The following STYK1 variants were observed in gnomAD, a reference collection of about 807,000 sequenced individuals.
The protein encoded by STYK1 is tyrosine-protein kinase STYK1.
STYK1 carries 46 observed loss-of-function variants against 48.1 expected under a neutral mutation model. That is an observed-to-expected ratio of 0.96 (90% CI 0.75 to 1.22). The LOEUF (loss-of-function observed/expected upper bound fraction) is 1.22, where lower values mean the gene tolerates loss of function less well. Among genes scored for constraint, STYK1 ranks in the 50% most tolerant of loss-of-function variants. STYK1 has a pLI of 0.00. For missense variants in STYK1, 527 were observed against 521.1 expected (o/e 1.01, Z -0.11); for synonymous variants, 188 against 189.0 (o/e 0.99, Z 0.04).
intron 1 of STYK1, among the ~76,000 whole-genome samples, chr12:10,666,461 G>A (rs929132200): frequency 2.0e-5 from 3 of 152,176 alleles, no homozygotes; most frequent in African/African-American, 7.2e-5. Context: ...CAGTACATCT[G>A]GTTAAATCAT....
chr12:10,624,890 G>T, intron 7 of STYK1, 31 bp from the exon 8 acceptor site: 1 of 1,599,248 alleles, frequency 6.3e-7, no homozygotes, highest in East Asian at 2.2e-5. Flanking sequence ...ATGATCAGCT[G>T]TCTGAGATCA....
At chr12:10,623,078 A>C (rs569377825) in intron 8 of STYK1, among the ~76,000 whole-genome samples, 8 of 148,146 alleles carry the variant, frequency 5.4e-5, no homozygotes, top group Non-Finnish European at 8.8e-5. Context: ...TCTTAGCACA[A>C]ATTCAACCAA....
intron 2 of STYK1, among the ~76,000 whole-genome samples, chr12:10,636,191 AC>A: frequency 6.6e-6 from 1 of 152,306 alleles, no homozygotes; most frequent in South Asian, 2.1e-4. Context: ...TGCCTGAAAG[AC>A]CTATGTAAAG....
At chr12:10,643,299 C>T (rs1049067846) in intron 1 of STYK1, among the ~76,000 whole-genome samples, 2 of 152,200 alleles carry the variant, frequency 1.3e-5, no homozygotes, top group East Asian at 1.9e-4. Context: ...AATGCAACCA[C>T]AATGGTTGAA....
chr12:10,633,825 T>C (rs1947455141), intron 4 of STYK1, among the ~76,000 whole-genome samples, 165 bp downstream of exon 4: 1 of 152,188 alleles, frequency 6.6e-6, no homozygotes, highest in Non-Finnish European at 1.5e-5. Flanking sequence ...CGGGAATTCC[T>C]AGAAAAGAGA....
At chr12:10,622,864 G>A (rs925880961) in intron 8 of STYK1, among the ~76,000 whole-genome samples, 186 bp from the exon 9 acceptor site, 1 of 152,114 alleles carries the variant, frequency 6.6e-6, no homozygotes, top group Non-Finnish European at 1.5e-5. Context: ...CCATAGGTTC[G>A]AATCTCTTTT....
chr12:10,668,613 T>C (rs1352001623), intron 1 of STYK1, among the ~76,000 whole-genome samples: 1 of 141,386 alleles, frequency 7.1e-6, no homozygotes, highest in Non-Finnish European at 1.5e-5. Context: ...AAAGCTGCTC[T>C]CGAACTCCTG....
At position 10,658,937 on chromosome 12, in the gene STYK1, A is replaced by G. The variant is rs1947747603; in HGVS notation, c.-195+15029T>C. On this transcript the variant is annotated intron_variant, in intron 1 of 10. Transcript: ENST00000075503. ...GCTGCCCTAAGACTTTCTGTCATTC[A>G]CAGACAACTGTTGTCTTGTTTTGAT... 3.3e-5 allele frequency among the ~76,000 whole-genome samples: 5 copies of G among 152,296 alleles called. No homozygotes were observed. In the South Asian group the frequency reaches 1.0e-3, roughly 32 times the overall value.
At chr12:10,656,151 T>A (rs1257199310) in intron 1 of STYK1, among the ~76,000 whole-genome samples, 1 of 152,150 alleles carries the variant, frequency 6.6e-6, no homozygotes, top group African/African-American at 2.4e-5. Flanking sequence ...AGTGGGAGTT[T>A]CCCTGCACAA....
intron 1 of STYK1, among the ~76,000 whole-genome samples, chr12:10,659,749 AT>A (rs1306513695): frequency 2.6e-5 from 4 of 152,246 alleles, no homozygotes; most frequent in African/African-American, 9.6e-5. Context: ...TATGTGAAAA[AT>A]AATTATTCTT....
chr12:10,661,912 T>C (rs1565573956), intron 1 of STYK1, among the ~76,000 whole-genome samples: 1 of 152,250 alleles, frequency 6.6e-6, no homozygotes, highest in Non-Finnish European at 1.5e-5. Flanking sequence ...TGCAATTTAG[T>C]GGTTTTATTA....
Position 10,620,215 on chromosome 12 carries a change from C to T in STYK1, c.1198G>A (p.Val400Ile). 1 of 1,614,204 alleles carries T rather than the reference C, an allele frequency of 6.2e-7. No homozygotes were observed. The highest frequency in any genetic ancestry group is 8.5e-7 in the Non-Finnish European group (1 of 1,180,042). The change falls in exon 11 of 11, where the codon GTA (valine) becomes ATA (isoleucine). Residue 400 changes from valine (V) to isoleucine (I), a missense_variant. Val to Ile is a conservative substitution (Grantham distance 29). Transcript: ENST00000075503. ...GCCACAGCTGCATACAGTTCAGGTA[C>T]CACCAACTCTGGTACTTGTAACACA... Reference protein sequence around the residue: ...EAVLQVPELVVPELYAAVAGI... With the variant: ...EAVLQVPELVIPELYAAVAGI...
At chr12:10,640,139 A>G (rs945228209) in intron 1 of STYK1, among the ~76,000 whole-genome samples, 4 of 152,006 alleles carry the variant, frequency 2.6e-5, no homozygotes, top group African/African-American at 7.3e-5. Context: ...TCCTATTTCT[A>G]TCTTCTGCTT....
chr12:10,664,535 G>A (rs1010556776), intron 1 of STYK1, among the ~76,000 whole-genome samples: 9 of 152,058 alleles, frequency 5.9e-5, no homozygotes, highest in East Asian at 5.8e-4. Context: ...GTGAGCAATC[G>A]ATCTCACACA....
intron 1 of STYK1, among the ~76,000 whole-genome samples, chr12:10,655,082 A>G (rs111923581): frequency 1.7e-4 from 26 of 152,308 alleles, no homozygotes; most frequent in African/African-American, 6.0e-4. Context: ...GCAACGTTTT[A>G]ATTAATGAAT....
intron 3 of STYK1, 89 bp downstream of exon 3, chr12:10,634,478 T>A (rs1362864166): frequency 1.4e-6 from 2 of 1,415,466 alleles, no homozygotes; most frequent in Non-Finnish European, 2.0e-6. Context: ...CTACTGGAAA[T>A]CAAATCATCC....
At chr12:10,644,586 C>G (rs186582452) in intron 1 of STYK1, among the ~76,000 whole-genome samples, 1 of 151,890 alleles carries the variant, frequency 6.6e-6, no homozygotes, top group African/African-American at 2.4e-5. Flanking sequence ...TAAATACATA[C>G]GAGAATATCA....
At chr12:10,650,944 G>T (rs914297836) in intron 1 of STYK1, among the ~76,000 whole-genome samples, 10 of 151,236 alleles carry the variant, frequency 6.6e-5, no homozygotes, top group Non-Finnish European at 1.5e-4. Context: ...GGCGGAGGTT[G>T]CAGTGAGCCA....
chr12:10,666,126 T>C (rs1436351178), intron 1 of STYK1, among the ~76,000 whole-genome samples: 1 of 152,112 alleles, frequency 6.6e-6, no homozygotes, highest in Non-Finnish European at 1.5e-5. Flanking sequence ...GCTGAAGAGG[T>C]GTCAAAGAGC....
Sources: allele counts gnomAD v4.1 joint callset (sites outside exome capture counted in the v4.1 genomes callset), GRCh38; gene constraint gnomAD v4.1.1; transcripts MANE v1.5; gene names NCBI Gene and HGNC (gene_info 2026-07-23, HGNC 2026-07-21).